Variants in GLS observed in about 807,000 individuals in gnomAD.
GLS encodes the protein glutaminase, also known as glutaminase kidney isoform, mitochondrial.
In GLS, 36 loss-of-function variants were observed where a neutral mutation model predicts 86.7. The ratio of observed to expected loss-of-function variants is 0.42; its 90% CI spans 0.32 to 0.55. The LOEUF is 0.55. Ranked by LOEUF, GLS falls within the 20% of genes least tolerant of loss-of-function variation. The probability of loss-of-function intolerance (pLI) is 0.17; values close to 1 mark genes in which losing one functional copy is unlikely to be tolerated. For missense variants in GLS, 528 were observed against 833.4 expected (o/e 0.63, Z 4.51); for synonymous variants, 317 against 305.9 (o/e 1.04, Z -0.38).
At chr2:190,936,909 A>AT (rs963029343) in intron 14 of GLS, among the ~76,000 whole-genome samples, 12 of 151,430 alleles carry the variant, frequency 7.9e-5, no homozygotes, top group African/African-American at 2.9e-4. Context: ...GCTAGAAAGC[A>AT]TTTTTTAAAG....
At position 190,951,417 on chromosome 2, in the gene GLS, A is replaced by G. The variant is rs906702427; in HGVS notation, c.1651-2148A>G. On this transcript the variant is annotated intron_variant, in intron 14 of 17. Transcript: ENST00000320717. This position sits in a 1 kb window ranked among gnomAD's most constrained non-coding sequence, Gnocchi z 4.2. Reference sequence around the variant, plus strand: ...TCAAGTGTTGCTTTTTAAAAATAGGATGAAATTGTGTCTGTTTTAAGGTAA... The same window carrying G: ...TCAAGTGTTGCTTTTTAAAAATAGGGTGAAATTGTGTCTGTTTTAAGGTAA... Among the ~76,000 whole-genome samples the G allele has an allele frequency of 1.3e-5, 2 of 152,182 alleles. No individual in the cohort carries two copies. The highest frequency in any genetic ancestry group is 1.3e-4 in the Admixed American group (2 of 15,280).
At chr2:190,948,851 A>G (rs549321277) in intron 14 of GLS, among the ~76,000 whole-genome samples, 1 of 152,176 alleles carries the variant, frequency 6.6e-6, no homozygotes, top group Admixed American at 6.5e-5. Flanking sequence ...TCAGGAGAAT[A>G]GTATGCACTG....
chr2:190,931,493 A>G, intron 13 of GLS, 52 bp from the exon 14 acceptor site: 1 of 768,654 alleles, frequency 1.3e-6, no homozygotes, highest in Non-Finnish European at 2.2e-6. Context: ...ATGGATATAT[A>G]TAACCAATGA....
intron 1 of GLS, among the ~76,000 whole-genome samples, chr2:190,886,786 G>T (rs1031217106): frequency 1.3e-5 from 2 of 151,784 alleles, no homozygotes; most frequent in Admixed American, 1.3e-4. Flanking sequence ...AGTGGTGGCG[G>T]GCACCTGTAA....
rs1366054119 is a variant in GLS at position 190,921,259 on chromosome 2, T to C, written c.1130+56T>C. 1 of 1,091,498 alleles carries C rather than the reference T, an allele frequency of 9.2e-7. No individual in the cohort carries two copies. The highest frequency in any genetic ancestry group is 1.7e-5 in the Admixed American group (1 of 58,704). 67.6% of individuals were successfully genotyped at this position (1,091,498 alleles called of 1,614,324 possible). A position where few individuals can be genotyped will look rare whatever the true frequency, so the allele number is the denominator to read the frequency against. ...AAAAACACACAACTGTATTTAGAAT[T>C]GATCCACTCTCTTTTCATTGGAGGG... On this transcript the variant is annotated intron_variant, in intron 9 of 17. Coordinates refer to ENST00000320717, the MANE Select transcript of GLS (RefSeq NM_014905.5). The surrounding 1 kb of genome is among the most constrained non-coding windows in gnomAD (Gnocchi z 4.2).
rs529491021 is a variant in GLS, at chr2:190,921,969, A to G, written c.1130+766A>G. Among the ~76,000 whole-genome samples the G allele has an allele frequency of 1.3e-5, 2 of 152,268 alleles. No individual in the cohort carries two copies. Among genetic ancestry groups the G allele is most frequent in the African/African-American group, 4.8e-5 (2 of 41,584 alleles). On this transcript the variant is annotated intron_variant, in intron 9 of 17. Transcript: ENST00000320717. This position sits in a 1 kb window ranked among gnomAD's most constrained non-coding sequence, Gnocchi z 4.2. ...TGTCTGTTTTGTCTCTTTACTTAGAACAGTCCCCGTGCCCTTGCTTTCACA... is the reference window on the plus strand; with the variant it reads ...TGTCTGTTTTGTCTCTTTACTTAGAGCAGTCCCCGTGCCCTTGCTTTCACA...
At position 190,880,877 on chromosome 2, in the gene GLS, CA is replaced by C. The variant is rs1431112925; in HGVS notation, c.-207del. The stretch of plus-strand genomic sequence containing the variant: ...CGGTCGCGGCAATCCTAGCGCGCAG[CA>C]GCAGCAGCAGCAGCAGCAGCAGCAG... On this transcript the variant is annotated 5_prime_UTR_variant, in exon 1 of 18. Coordinates refer to ENST00000320717, the MANE Select transcript of GLS (RefSeq NM_014905.5). 1.6e-4 allele frequency: 34 copies of C among 207,958 alleles called. No homozygotes were observed. In the African/African-American group the frequency reaches 4.8e-3, roughly 29 times the overall value. 12.9% of individuals were successfully genotyped at this position (207,958 alleles called of 1,614,324 possible).
chr2:190,926,406 A>T (rs1689897378), intron 11 of GLS, among the ~76,000 whole-genome samples: 1 of 152,184 alleles, frequency 6.6e-6, no homozygotes, highest in African/African-American at 2.4e-5. Flanking sequence ...CACTGTACTT[A>T]GTTTTCCTCC....
In GLS at chr2:190,962,721, A is replaced by C. The variant is rs1408717217; in HGVS notation, c.1854-109A>C. 1 of 571,222 alleles carries C rather than the reference A, an allele frequency of 1.8e-6. No homozygotes were observed. Among genetic ancestry groups the C allele is most frequent in the Admixed American group, 3.5e-5 (1 of 28,632 alleles). 35.4% of individuals were successfully genotyped at this position (571,222 alleles called of 1,614,324 possible). A position where few individuals can be genotyped will look rare whatever the true frequency, so the allele number is the denominator to read the frequency against. On this transcript the variant is annotated intron_variant, in intron 17 of 17. Transcript: ENST00000320717. This position sits in a 1 kb window ranked among gnomAD's most constrained non-coding sequence, Gnocchi z 4.2. ...AATTTTTATTTGTAAAATTGCTAAAATAGCTAAATTTGGCCATTTAACCTG... is the reference window on the plus strand; with the variant it reads ...AATTTTTATTTGTAAAATTGCTAAACTAGCTAAATTTGGCCATTTAACCTG...
At chr2:190,936,577 G>T (rs1386538755) in intron 14 of GLS, among the ~76,000 whole-genome samples, 2 of 150,980 alleles carry the variant, frequency 1.3e-5, no homozygotes, top group Non-Finnish European at 3.0e-5. Flanking sequence ...TGACTTTAAA[G>T]ATTTGTGGTT....
intron 1 of GLS, among the ~76,000 whole-genome samples, chr2:190,893,554 C>G (rs1574564503): frequency 6.6e-6 from 1 of 152,094 alleles, no homozygotes; most frequent in Non-Finnish European, 1.5e-5. Context: ...AGTAAGTGAT[C>G]AATATATTGT....
In GLS at chr2:190,947,451, G is replaced by T. The variant is rs913310138; in HGVS notation, c.1651-6114G>T. ...GACTTGATAAGAAAAATGCAGTAGT[G>T]CTGGAAAATCTACAAGATGAAGGGG... On this transcript the variant is annotated intron_variant, in intron 14 of 17. Transcript: ENST00000320717. The surrounding 1 kb of genome is among the most constrained non-coding windows in gnomAD (Gnocchi z 5.0). 5.3e-5 allele frequency among the ~76,000 whole-genome samples: 8 copies of T among 152,162 alleles called. No homozygotes were observed. Among genetic ancestry groups the T allele is most frequent in the African/African-American group, 1.9e-4 (8 of 41,438 alleles).
rs1392859474 is a variant in GLS, at chr2:190,943,208, T to A, written c.1651-10357T>A. Among the ~76,000 whole-genome samples, 1 of 152,170 alleles carries A rather than the reference T, an allele frequency of 6.6e-6. No homozygotes were observed. Among genetic ancestry groups the A allele is most frequent in the Non-Finnish European group, 1.5e-5 (1 of 68,028 alleles). On this transcript the variant is annotated intron_variant, in intron 14 of 17. Transcript: ENST00000320717. The surrounding 1 kb of genome is among the most constrained non-coding windows in gnomAD (Gnocchi z 4.5). ...AGCTAGCTAATGTTTGAGATATTTG[T>A]GAGATATCTAAGTAGTGATGTTGAG...
intron 1 of GLS, among the ~76,000 whole-genome samples, chr2:190,886,907 C>T (rs972317225): frequency 2.6e-4 from 28 of 109,514 alleles, no homozygotes; most frequent in Admixed American, 2.2e-3. Context: ...CAGAGCGAGA[C>T]TCTTGTCTCA....
intron 11 of GLS, 199 bp from the exon 12 acceptor site, chr2:190,927,107 G>A (rs181194399): frequency 5.3e-5 from 26 of 488,502 alleles, no homozygotes; most frequent in Non-Finnish European, 9.0e-5. Flanking sequence ...AGTATCTTTG[G>A]CCAAATCAGG....
chr2:190,885,479 C>T lies in GLS; in HGVS notation c.386+4009C>T, dbSNP rs529012627. Among the ~76,000 whole-genome samples, 7 of 152,024 alleles carry T rather than the reference C, an allele frequency of 4.6e-5. No individual in the cohort carries two copies. In the South Asian group the frequency reaches 8.3e-4, roughly 18 times the overall value. ...TGCTGGGATTACAGGCGTGAGCCAC[C>T]GCACCTGGTCTGAACATTGAATTTC... On this transcript the variant is annotated intron_variant, in intron 1 of 17. Coordinates refer to ENST00000320717, the MANE Select transcript of GLS (RefSeq NM_014905.5).
At chr2:190,958,001 C>T (rs571025432) in intron 17 of GLS, among the ~76,000 whole-genome samples, 1 of 152,236 alleles carries the variant, frequency 6.6e-6, no homozygotes, top group East Asian at 1.9e-4. Flanking sequence ...CCTCTTTGTA[C>T]CTCTGGTAGA....
At position 190,932,440 on chromosome 2, in the gene GLS, T is replaced by C. The variant is rs139695375; in HGVS notation, c.1650+803T>C. Among the ~76,000 whole-genome samples, 661 of 152,042 alleles carry C rather than the reference T, an allele frequency of 4.3e-3. 3 individuals are homozygous for C. The highest frequency in any genetic ancestry group is 0.015 in the African/African-American group (624 of 41,542). On this transcript the variant is annotated intron_variant, in intron 14 of 17. Coordinates refer to ENST00000320717, the MANE Select transcript of GLS (RefSeq NM_014905.5). Reference sequence around the variant, plus strand: ...ATGAAGAACTTCTAAGTAGAAAATATTTTTAATACATACTAAGTACATTTT... The same window carrying C: ...ATGAAGAACTTCTAAGTAGAAAATACTTTTAATACATACTAAGTACATTTT...
intron 14 of GLS, among the ~76,000 whole-genome samples, chr2:190,945,794 G>A (rs1484661225): frequency 6.6e-6 from 1 of 152,106 alleles, no homozygotes; most frequent in African/African-American, 2.4e-5. Flanking sequence ...TGAAATTTCT[G>A]TAAAACAGAG....
Sources: allele counts gnomAD v4.1 joint callset (sites outside exome capture counted in the v4.1 genomes callset), GRCh38; gene constraint gnomAD v4.1.1; non-coding constraint Gnocchi (gnomAD v3.1); transcripts MANE v1.5; gene names NCBI Gene and HGNC (gene_info 2026-07-23, HGNC 2026-07-21).